The following EVI5L variants were observed in gnomAD, a reference collection of about 807,000 sequenced individuals.
EVI5L encodes the protein EVI5-like protein.
EVI5L carries 30 observed loss-of-function variants against 106.1 expected under a neutral mutation model. That is an observed-to-expected ratio of 0.28 (90% confidence interval 0.21 to 0.38). The LOEUF is 0.38. EVI5L is among the 10% of genes least tolerant of loss of function. The pLI is 1.00. For missense variants in EVI5L, 809 were observed against 1,098.0 expected, an observed-to-expected ratio of 0.74 and a Z score of 3.72; for synonymous variants, 489 against 483.3, an observed-to-expected ratio of 1.01 and a Z score of -0.15.
intron 1 of EVI5L, among the ~76,000 whole-genome samples, chr19:7,838,410 C>T (rs1978446584): frequency 6.6e-6 from 1 of 152,222 alleles, no homozygotes; most frequent in African/African-American, 2.4e-5. Context: ...CATGCCCAGC[C>T]ACTCTGGTGT....
At chr19:7,842,303 C>T (rs536974024) in intron 1 of EVI5L, among the ~76,000 whole-genome samples, 53 of 119,284 alleles carry the variant, frequency 4.4e-4, no homozygotes, top group African/African-American at 1.3e-3. Flanking sequence ...CCAGTGTGTG[C>T]GTGTGTGAGA....
intron 6 of EVI5L, 51 bp from the exon 7 acceptor site, chr19:7,851,383 G>A (rs537125667): frequency 1.7e-5 from 27 of 1,576,358 alleles, no homozygotes; most frequent in East Asian, 6.8e-5. Context: ...AGCACCCCCC[G>A]GTGGGAGGGC....
Position 7,850,408 on chromosome 19 carries a change from C to T in EVI5L, c.753+286C>T, listed in dbSNP as rs975430358. On this transcript the variant is annotated intron_variant, in intron 6 of 19. Transcript: ENST00000538904. The surrounding 1 kb of genome is among the most constrained non-coding windows in gnomAD (Gnocchi z 5.4). ...CTGAGGCAGAGGGGTGGGGCAGGCT[C>T]ACATCGGACACAGCCACAGCCACCT... Among the ~76,000 whole-genome samples the T allele has an allele frequency of 6.6e-6, 1 of 152,182 alleles. No individual in the cohort carries two copies. The highest frequency in any genetic ancestry group is 2.4e-5 in the African/African-American group (1 of 41,434).
chr19:7,841,459 C>T (rs1345439779), intron 1 of EVI5L, among the ~76,000 whole-genome samples: 1 of 151,962 alleles, frequency 6.6e-6, no homozygotes, highest in African/African-American at 2.4e-5. Context: ...GCAGTGCCCC[C>T]GAGAGGGAAA....
In EVI5L at chr19:7,856,947, C is replaced by A; in HGVS notation, c.1201-145C>A. On this transcript the variant is annotated intron_variant, in intron 11 of 19. Transcript: ENST00000538904. The surrounding 1 kb of genome is among the most constrained non-coding windows in gnomAD (Gnocchi z 6.6). Reference sequence around the variant, plus strand: ...CTCCGGGTCCTCTCCTGCTGGTTCTCTGGTCTTCCCTCCTCTCTCCCCCGC... The same window carrying A: ...CTCCGGGTCCTCTCCTGCTGGTTCTATGGTCTTCCCTCCTCTCTCCCCCGC... The A allele has an allele frequency of 1.2e-6, 1 of 847,998 alleles. No homozygotes were observed. The allele number at this position is 847,998 out of a possible 1,614,324, so 52.5% of individuals were successfully genotyped here.
rs773231868 is a variant in EVI5L at position 7,862,371 on chromosome 19, C to G, written c.1801-17C>G. The G allele has an allele frequency of 1.6e-5, 26 of 1,592,746 alleles. No homozygotes were observed. Among genetic ancestry groups the G allele is most frequent in the Non-Finnish European group, 2.2e-5 (26 of 1,168,998 alleles). ...TGACCGCCGCCGTCCTCCGTCCTCCCTTCCTCCCTATCCCAGGACCACATC... is the reference window on the plus strand; with the variant it reads ...TGACCGCCGCCGTCCTCCGTCCTCCGTTCCTCCCTATCCCAGGACCACATC... On this transcript the variant is annotated splice_polypyrimidine_tract_variant and intron_variant, in intron 16 of 19. Transcript: ENST00000538904.
At chr19:7,841,319 G>A (rs1291235190) in intron 1 of EVI5L, among the ~76,000 whole-genome samples, 1 of 152,090 alleles carries the variant, frequency 6.6e-6, no homozygotes, top group Non-Finnish European at 1.5e-5. Context: ...AGGCCAAGGA[G>A]GGACCCAGGG....
chr19:7,850,134 CGCAGGAGAGCAGGGCT>C lies in EVI5L; in HGVS notation c.753+20_753+35del, dbSNP rs748600497. 358 of 1,598,072 alleles carry C rather than the reference CGCAGGAGAGCAGGGCT, an allele frequency of 2.2e-4. 1 individual carries two copies. The Middle Eastern group carries it at 2.3e-3, about 10-fold the overall frequency. ...AGTACATGCTGCAGGTGAGCAGGGC[CGCAGGAGAGCAGGGCT>C]GCAGGAGGGCAGGGCCACAGGTGGG... On this transcript the variant is annotated intron_variant, in intron 6 of 19. Transcript: ENST00000538904. This position sits in a 1 kb window ranked among gnomAD's most constrained non-coding sequence, Gnocchi z 5.4.
intron 1 of EVI5L, among the ~76,000 whole-genome samples, chr19:7,841,544 C>A (rs1002074622): frequency 1.3e-5 from 2 of 152,146 alleles, no homozygotes; most frequent in Non-Finnish European, 2.9e-5. Context: ...CCAAACACAG[C>A]CCCTTTCCAG....
chr19:7,846,408 C>G, intron 1 of EVI5L, 88 bp from the exon 2 acceptor site: 2 of 1,274,108 alleles, frequency 1.6e-6, no homozygotes. Context: ...AGGCAGGAAG[C>G]CCAGGGTGAG....
Position 7,858,138 on chromosome 19 carries a change from G to C in EVI5L, c.1234-53G>C. 6.5e-7 allele frequency: 1 copy of C among 1,531,978 alleles called. No homozygotes were observed. The highest frequency in any genetic ancestry group is 8.8e-7 in the Non-Finnish European group (1 of 1,137,084). The allele number at this position is 1,531,978 out of a possible 1,614,324, so 94.9% of individuals were successfully genotyped here. On this transcript the variant is annotated intron_variant, in intron 12 of 19. Transcript: ENST00000538904. The surrounding 1 kb of genome is among the most constrained non-coding windows in gnomAD (Gnocchi z 5.7). ...CCTGTGGCGGGAGGCAGGGCCTTGG[G>C]TGGGAGCCGAGGGTCACGGCCTCCC... is the stretch of plus-strand genomic sequence containing the variant.
chr19:7,832,034 T>C (rs1415888939), intron 1 of EVI5L, among the ~76,000 whole-genome samples: 1 of 152,256 alleles, frequency 6.6e-6, no homozygotes, highest in Admixed American at 6.5e-5. Context: ...CTTCGTTTTA[T>C]TCCCCCTCGG....
intron 5 of EVI5L, 83 bp from the exon 6 acceptor site, chr19:7,849,890 GGTACCGACATGGACATGGGCCCCT>G (rs1270852459): frequency 2.3e-6 from 2 of 852,422 alleles, no homozygotes; most frequent in Non-Finnish European, 3.7e-6. Flanking sequence ...TAGGGAGCCA[GGTACCGACATGGACATGGGCCCCT>G]GTACCCCAGG....
chr19:7,857,046 G>T lies in EVI5L; in HGVS notation c.1201-46G>T, dbSNP rs771768448. On this transcript the variant is annotated intron_variant, in intron 11 of 19. Coordinates refer to ENST00000538904, the MANE Select transcript of EVI5L (RefSeq NM_001159944.3). The surrounding 1 kb of genome is among the most constrained non-coding windows in gnomAD (Gnocchi z 4.5). ...CCCCTCTCCTGTCCCCGCGCCTTCC[G>T]CTCTGCCTCCTCCCCCTGTCGCTGG... is the stretch of plus-strand genomic sequence containing the variant. 1.3e-6 allele frequency: 2 copies of T among 1,551,144 alleles called. No individual in the cohort carries two copies. The highest frequency in any genetic ancestry group is 2.4e-5 in the East Asian group (1 of 40,934).
Position 7,844,177 on chromosome 19 carries a change from C to G in EVI5L, c.-47-2319C>G, listed in dbSNP as rs541855425. 5.3e-5 allele frequency among the ~76,000 whole-genome samples: 8 copies of G among 151,692 alleles called. No individual in the cohort carries two copies. The East Asian group carries it at 1.6e-3, about 29-fold the overall frequency. ...ACCAGCCTGACCAACATGGTGAAAC[C>G]CCGTCTCTACTAAAAATACAAAAAT... On this transcript the variant is annotated intron_variant, in intron 1 of 19. Transcript: ENST00000538904.
Position 7,858,470 on chromosome 19 carries a change from C to T in EVI5L, c.1374+139C>T, listed in dbSNP as rs950850389. 28 of 1,142,038 alleles carry T rather than the reference C, an allele frequency of 2.5e-5. No individual in the cohort carries two copies. The highest frequency in any genetic ancestry group is 3.2e-5 in the Non-Finnish European group (27 of 834,048). 70.7% of individuals were successfully genotyped at this position (1,142,038 alleles called of 1,614,324 possible). A position where few individuals can be genotyped will look rare whatever the true frequency, so the allele number is the denominator to read the frequency against. ...TGTTCCTTTCTGGGGTAAGGGGAAC[C>T]CAGAGACAAGCGCAGATTCTCCCCC... On this transcript the variant is annotated intron_variant, in intron 13 of 19. Coordinates refer to ENST00000538904, the MANE Select transcript of EVI5L (RefSeq NM_001159944.3). The surrounding 1 kb of genome is among the most constrained non-coding windows in gnomAD (Gnocchi z 5.7).
intron 1 of EVI5L, among the ~76,000 whole-genome samples, chr19:7,843,760 G>A (rs1478026996): frequency 6.6e-6 from 1 of 151,996 alleles, no homozygotes; most frequent in Non-Finnish European, 1.5e-5. Context: ...GAGTGGGGGT[G>A]GGTGTGAATG....
chr19:7,861,932 A>C lies in EVI5L; in HGVS notation c.1558A>C (p.Lys520Gln). ...NNVAQLQEELKALKVREGQAV... is the reference protein window; with the variant it reads ...NNVAQLQEELQALKVREGQAV... ...TGTGGCGCAGCTGCAGGAGGAGCTG[A>C]AGGCGCTCAAGGTGCGGGAAGGCCA... is the stretch of plus-strand genomic sequence containing the variant. Residue 520 changes from lysine (K) to glutamine (Q), a missense_variant, in exon 15 of 20, where the codon AAG becomes CAG. Physicochemically the swap from Lys to Gln is moderately conservative, Grantham distance 53. Transcript: ENST00000538904. 1 of 1,550,222 alleles carries C rather than the reference A, an allele frequency of 6.5e-7. No homozygotes were observed. Among genetic ancestry groups the C allele is most frequent in the Non-Finnish European group, 8.7e-7 (1 of 1,146,986 alleles).
rs117409456 is a variant in EVI5L, at chr19:7,831,772, C to A, written c.-48+1391C>A. On this transcript the variant is annotated intron_variant, in intron 1 of 19. Coordinates refer to ENST00000538904, the MANE Select transcript of EVI5L (RefSeq NM_001159944.3). ...TCTGCCCCCAGCCTCCTGACCCCAT[C>A]ACGCCTACTGGCCTCAAATGCCAGA... Among the ~76,000 whole-genome samples the A allele has an allele frequency of 3.7e-4, 56 of 152,378 alleles. 1 individual carries two copies. In the East Asian group the frequency reaches 7.9e-3, roughly 22 times the overall value.
Sources: allele counts gnomAD v4.1 joint callset (sites outside exome capture counted in the v4.1 genomes callset), GRCh38; gene constraint gnomAD v4.1.1; non-coding constraint Gnocchi (gnomAD v3.1); transcripts MANE v1.5; gene names NCBI Gene and HGNC (gene_info 2026-07-23, HGNC 2026-07-21).